Variants in FARSB observed in about 807,000 individuals in gnomAD.
FARSB encodes phenylalanine--tRNA ligase beta subunit.
Under a neutral mutation model 69.6 loss-of-function variants are expected in FARSB, and 40 were observed. That is an observed-to-expected ratio of 0.57 (90% CI 0.45 to 0.75). The LOEUF (loss-of-function observed/expected upper bound fraction) is 0.75, where lower values mean the gene tolerates loss of function less well. FARSB is among the 30% of genes least tolerant of loss of function. The pLI is 0.00. For missense variants in FARSB, 632 were observed against 722.9 expected (o/e 0.87, Z 1.44); for synonymous variants, 235 against 247.2 (o/e 0.95, Z 0.46).
chr2:222,648,894 A>C (rs1051442853), intron 1 of FARSB, 99 bp from the exon 2 acceptor site: 1 of 802,204 alleles, frequency 1.2e-6, no homozygotes, highest in African/African-American at 1.7e-5. Context: ...GCCTTACACC[A>C]ATCATACTAC....
chr2:222,610,578 C>T (rs1049749452), intron 15 of FARSB, among the ~76,000 whole-genome samples: 1 of 151,480 alleles, frequency 6.6e-6, no homozygotes, highest in Non-Finnish European at 1.5e-5. Context: ...AAGAATTGGC[C>T]CCAAGTGCCT....
At chr2:222,591,249 T>C (rs1331833882) in intron 16 of FARSB, among the ~76,000 whole-genome samples, 2 of 149,676 alleles carry the variant, frequency 1.3e-5, no homozygotes, top group Non-Finnish European at 3.0e-5. Context: ...AAGAAAGAAA[T>C]ACGAGCTGAA....
In FARSB at chr2:222,636,668, CAA is replaced by C. The variant is rs1213301826; in HGVS notation, c.456-2129_456-2128del. 7.2e-5 allele frequency among the ~76,000 whole-genome samples: 11 copies of C among 152,230 alleles called. No individual in the cohort carries two copies. The East Asian group carries it at 1.9e-3, about 27-fold the overall frequency. On this transcript the variant is annotated intron_variant, in intron 5 of 16. Coordinates refer to ENST00000281828, the MANE Select transcript of FARSB (RefSeq NM_005687.5). ...TTATCTAACATAATGGTAAAAATTTCAAAGTCTTGCTATAATAGAGCAGCAAC... is the reference window on the plus strand; with the variant it reads ...TTATCTAACATAATGGTAAAAATTTCAGTCTTGCTATAATAGAGCAGCAAC...
chr2:222,639,122 A>C lies in FARSB; in HGVS notation c.455+458T>G, dbSNP rs888976982. On this transcript the variant is annotated intron_variant, in intron 5 of 16. Transcript: ENST00000281828. Reference sequence around the variant, plus strand: ...TAGTCATTTAAACTCAAGTTCTGTCAATTTATAATTACTCTCACTCAAAAA... The same window carrying C: ...TAGTCATTTAAACTCAAGTTCTGTCCATTTATAATTACTCTCACTCAAAAA... Among the ~76,000 whole-genome samples, 5 of 152,352 alleles carry C rather than the reference A, an allele frequency of 3.3e-5. No individual in the cohort carries two copies. In the East Asian group the frequency reaches 9.6e-4, roughly 29 times the overall value.
intron 16 of FARSB, among the ~76,000 whole-genome samples, chr2:222,580,683 T>TA (rs1304405602): frequency 5.3e-5 from 8 of 151,048 alleles, no homozygotes; most frequent in South Asian, 2.1e-4. Flanking sequence ...CTACTGCCTT[T>TA]AAAAAAAAAT....
chr2:222,573,951 T>C (rs531172203), intron 16 of FARSB, among the ~76,000 whole-genome samples: 70 of 152,320 alleles, frequency 4.6e-4, no homozygotes, highest in African/African-American at 1.6e-3. Context: ...CCTGATAACT[T>C]TACTGTGTTT....
rs557136817 is a variant in FARSB at position 222,571,104 on chromosome 2, C to T, written c.*767G>A. The T allele has an allele frequency of 1.1e-4, 16 of 152,298 alleles. No homozygotes were observed. Among genetic ancestry groups the T allele is most frequent in the African/African-American group, 3.1e-4 (13 of 41,566 alleles). 9.4% of individuals were successfully genotyped at this position (152,298 alleles called of 1,614,324 possible). ...AGTATTTAAAACCATGATTTTATAA[C>T]TGACTGATTACAGTAACATGTATGG... On this transcript the variant is annotated 3_prime_UTR_variant, in exon 17 of 17. Coordinates refer to ENST00000281828, the MANE Select transcript of FARSB (RefSeq NM_005687.5).
At chr2:222,575,789 GGTCTGT>G (rs1477096803) in intron 16 of FARSB, among the ~76,000 whole-genome samples, 1 of 152,112 alleles carries the variant, frequency 6.6e-6, no homozygotes, top group Admixed American at 6.5e-5. Flanking sequence ...ATCTCCTAGA[GGTCTGT>G]AATTGTCTCT....
chr2:222,602,276 T>C (rs936100385), intron 15 of FARSB, among the ~76,000 whole-genome samples: 2 of 152,176 alleles, frequency 1.3e-5, no homozygotes, highest in African/African-American at 4.8e-5. Flanking sequence ...GTGATGGAAC[T>C]TTTTGATCTT....
At chr2:222,634,368 G>C in intron 6 of FARSB, 23 bp downstream of exon 6, 2 of 1,497,892 alleles carry the variant, frequency 1.3e-6, no homozygotes, top group African/African-American at 1.4e-5. Context: ...CAAAGCTGCT[G>C]CATAATCAAA....
At chr2:222,600,379 A>G (rs572641720) in intron 15 of FARSB, among the ~76,000 whole-genome samples, 7 of 152,352 alleles carry the variant, frequency 4.6e-5, no homozygotes, top group African/African-American at 1.7e-4. Flanking sequence ...ATTTACCAAT[A>G]TATCAGAGCC....
chr2:222,628,344 T>C (rs1372667671), intron 10 of FARSB, among the ~76,000 whole-genome samples: 2 of 152,252 alleles, frequency 1.3e-5, no homozygotes, highest in South Asian at 2.1e-4. Flanking sequence ...TCTGATATGA[T>C]GGATATGCCA....
intron 1 of FARSB, among the ~76,000 whole-genome samples, chr2:222,655,052 C>G (rs946071769): frequency 4.0e-5 from 6 of 151,846 alleles, no homozygotes; most frequent in Non-Finnish European, 7.4e-5. Context: ...AAAAAAATTA[C>G]TCGGGCGCGA....
intron 16 of FARSB, among the ~76,000 whole-genome samples, chr2:222,587,533 C>A (rs1423035191): frequency 6.6e-6 from 1 of 152,078 alleles, no homozygotes; most frequent in Admixed American, 6.5e-5. Flanking sequence ...GAGCTAGAGA[C>A]ACAAAAAACC....
chr2:222,646,439 T>C (rs565509748), intron 2 of FARSB, among the ~76,000 whole-genome samples: 2 of 152,374 alleles, frequency 1.3e-5, no homozygotes, highest in South Asian at 4.1e-4. Flanking sequence ...TAGAATTACA[T>C]CTACTTGAAA....
intron 16 of FARSB, 88 bp downstream of exon 16, chr2:222,599,840 C>T: frequency 9.2e-7 from 1 of 1,085,576 alleles, no homozygotes; most frequent in Non-Finnish European, 1.3e-6. Context: ...TCTAAAATCC[C>T]AAATCAAAAC....
intron 2 of FARSB, chr2:222,644,557 A>G (rs1691799984): frequency 2.2e-6 from 1 of 455,632 alleles, no homozygotes; most frequent in Non-Finnish European, 4.4e-6. Flanking sequence ...GGCAGATCTC[A>G]GGAGGGACCT....
At chr2:222,627,653 T>C (rs1328794588) in intron 10 of FARSB, among the ~76,000 whole-genome samples, 1 of 152,254 alleles carries the variant, frequency 6.6e-6, no homozygotes, top group East Asian at 1.9e-4. Flanking sequence ...AAATCAACTT[T>C]TAAAAACTAA....
At chr2:222,640,625 G>A (rs561380961) in intron 4 of FARSB, among the ~76,000 whole-genome samples, 29 of 152,284 alleles carry the variant, frequency 1.9e-4, no homozygotes, top group African/African-American at 5.8e-4. Flanking sequence ...GTGTGGTGGC[G>A]TGTGCCTGTA....
Sources: gnomAD v4.1 joint callset for allele counts (sites outside exome capture counted in the v4.1 genomes callset) on GRCh38, gnomAD v4.1.1 for gene constraint, MANE v1.5 for transcripts, NCBI Gene and HGNC (gene_info 2026-07-23, HGNC 2026-07-21) for gene names.